The following SLFN12L variants were observed in gnomAD, a reference collection of about 807,000 sequenced individuals.
SLFN12L encodes the protein schlafen family member 12 like, also known as schlafen family member 12-like.
SLFN12L carries 34 observed loss-of-function variants against 34.8 expected under a neutral mutation model. That is an observed-to-expected ratio of 0.98 (90% CI 0.74 to 1.30). The LOEUF (loss-of-function observed/expected upper bound fraction) is 1.30, where lower values mean the gene tolerates loss of function less well. SLFN12L is among the 50% of genes most tolerant of loss of function. The pLI is 0.00. For synonymous variants in SLFN12L, 259 were observed against 247.5 expected (o/e 1.05, Z -0.44); for missense variants, 703 against 696.2 (o/e 1.01, Z -0.11).
At chr17:35,535,594 C>T (rs569948885) in intron 1 of SLFN12L, among the ~76,000 whole-genome samples, 1 of 152,052 alleles carries the variant, frequency 6.6e-6, no homozygotes, top group Admixed American at 6.6e-5. Flanking sequence ...TCAAGCAGTC[C>T]TCCCACCTCA....
chr17:35,496,542 T>G (rs1387967758), intron 2 of SLFN12L, among the ~76,000 whole-genome samples: 1 of 92,714 alleles, frequency 1.1e-5, no homozygotes, highest in African/African-American at 4.1e-5. Context: ...CTCCTTTCCC[T>G]TCCCTCCCCT....
chr17:35,510,833 CAAA>C (rs34262146), intron 2 of SLFN12L, among the ~76,000 whole-genome samples: 2 of 139,538 alleles, frequency 1.4e-5, no homozygotes, highest in Admixed American at 7.3e-5. Flanking sequence ...GAATTCACAG[CAAA>C]AAAAAAAAAA....
Position 35,475,143 on chromosome 17 carries a change from A to C in SLFN12L, c.1619T>G (p.Ile540Ser). The C allele has an allele frequency of 6.2e-7, 1 of 1,614,200 alleles. No homozygotes were observed. Among genetic ancestry groups the C allele is most frequent in the Non-Finnish European group, 8.5e-7 (1 of 1,180,042 alleles). ...CTTGCCTTCAGGGCTCAAGTAGAAGATCTTTGTCATGACACACACTTTTTT... is the reference window on the plus strand; with the variant it reads ...CTTGCCTTCAGGGCTCAAGTAGAAGCTCTTTGTCATGACACACACTTTTTT... ...YTKKVCVMTK[I>S]FYLSPEGKTS... is the part of the protein sequence containing the mutation. Residue 540 changes from isoleucine (I) to serine (S), a missense_variant, in exon 5 of 5, where the codon ATC becomes AGC. Ile to Ser is a moderately radical substitution (Grantham distance 142). Transcript: ENST00000628453.
At chr17:35,486,018 A>C (rs1330741255) in intron 2 of SLFN12L, among the ~76,000 whole-genome samples, 2 of 152,088 alleles carry the variant, frequency 1.3e-5, no homozygotes, top group African/African-American at 4.8e-5. Flanking sequence ...ATTTTAAATC[A>C]TTTTTTCTAA....
chr17:35,515,166 G>A (rs898741202), intron 2 of SLFN12L: 3 of 621,388 alleles, frequency 4.8e-6, no homozygotes, highest in Admixed American at 1.8e-5. Context: ...CTCCAGCGGC[G>A]ATGGCTCCGT....
At chr17:35,509,490 G>T (rs565485686) in intron 2 of SLFN12L, among the ~76,000 whole-genome samples, 1 of 152,030 alleles carries the variant, frequency 6.6e-6, no homozygotes, top group Non-Finnish European at 1.5e-5. Flanking sequence ...CTGCATGCCC[G>T]CCCATTTAGT....
At position 35,472,644 on chromosome 17, in the gene SLFN12L, A is replaced by G. The variant is rs2142121092; in HGVS notation, c.*2279T>C. ...CTTCTTTGATTCCATATGAAATTTA[A>G]TTTCATTTAATTCTGATTTGATTCC... On this transcript the variant is annotated 3_prime_UTR_variant, in exon 5 of 5. Transcript: ENST00000628453. 6.6e-6 allele frequency among the ~76,000 whole-genome samples: 1 copy of G among 152,252 alleles called. No individual in the cohort carries two copies. The highest frequency in any genetic ancestry group is 1.9e-4 in the East Asian group (1 of 5,186).
Position 35,522,327 on chromosome 17 carries a change from T to C in SLFN12L, c.38A>G (p.His13Arg), listed in dbSNP as rs1339959089. The part of the protein sequence containing the change: ...KIRNVFHCEA[H>R]RILYICESQF... ...ACTTTCACAAATGTAGAGAATTCTGTGTGCCTCACAGTGAAACACATTCCT... is the reference window on the plus strand; with the variant it reads ...ACTTTCACAAATGTAGAGAATTCTGCGTGCCTCACAGTGAAACACATTCCT... Residue 13 changes from histidine to arginine, a missense_variant, in exon 2 of 5, where the codon CAC becomes CGC. Coordinates refer to ENST00000628453, the MANE Select transcript of SLFN12L (RefSeq NM_001363830.2). 1.2e-6 allele frequency: 2 copies of C among 1,614,188 alleles called. No individual in the cohort carries two copies. Among genetic ancestry groups the C allele is most frequent in the Non-Finnish European group, 1.7e-6 (2 of 1,180,024 alleles).
chr17:35,465,972 A>G lies in SLFN12L; in HGVS notation c.*8951T>C, dbSNP rs914709198. ...AATTTTGCCATCATGCACACATCTTACAGACAAGATCTTTTTTAATACTTA... is the reference window on the plus strand; with the variant it reads ...AATTTTGCCATCATGCACACATCTTGCAGACAAGATCTTTTTTAATACTTA... On this transcript the variant is annotated 3_prime_UTR_variant, in exon 5 of 5. Coordinates refer to ENST00000628453, the MANE Select transcript of SLFN12L (RefSeq NM_001363830.2). Among the ~76,000 whole-genome samples, 2 of 151,906 alleles carry G rather than the reference A, an allele frequency of 1.3e-5. No individual in the cohort carries two copies. The highest frequency in any genetic ancestry group is 2.4e-5 in the African/African-American group (1 of 41,328).
intron 1 of SLFN12L, among the ~76,000 whole-genome samples, chr17:35,536,532 T>C (rs916038219): frequency 6.6e-6 from 1 of 152,066 alleles, no homozygotes; most frequent in African/African-American, 2.4e-5. Flanking sequence ...AAAAACACAG[T>C]TGGGCTCAGT....
chr17:35,480,817 A>G (rs1315566917), intron 2 of SLFN12L, among the ~76,000 whole-genome samples: 3 of 152,114 alleles, frequency 2.0e-5, no homozygotes, highest in South Asian at 4.1e-4. Context: ...CAAGGAGGTA[A>G]TCGTGGGTGG....
chr17:35,528,105 TA>T (rs896808851), intron 1 of SLFN12L, among the ~76,000 whole-genome samples: 6 of 152,246 alleles, frequency 3.9e-5, no homozygotes, highest in South Asian at 4.1e-4. Flanking sequence ...TCACAATTGC[TA>T]CAAAGAGAAT....
chr17:35,466,875 C>T lies in SLFN12L; in HGVS notation c.*8048G>A, dbSNP rs1241780804. On this transcript the variant is annotated 3_prime_UTR_variant, in exon 5 of 5. Coordinates refer to ENST00000628453, the MANE Select transcript of SLFN12L (RefSeq NM_001363830.2). ...CATTAAAACCACAAATGACTAGCTC[C>T]ATACTGGGCTCTCCTGGACATAGAG... is the stretch of plus-strand genomic sequence containing the variant. 6.6e-6 allele frequency among the ~76,000 whole-genome samples: 1 copy of T among 152,190 alleles called. No individual in the cohort carries two copies. Among genetic ancestry groups the T allele is most frequent in the Non-Finnish European group, 1.5e-5 (1 of 68,028 alleles).
chr17:35,521,837 G>C (rs1916005165), intron 2 of SLFN12L, among the ~76,000 whole-genome samples: 1 of 152,150 alleles, frequency 6.6e-6, no homozygotes, highest in Non-Finnish European at 1.5e-5. Context: ...TGGTGCCACT[G>C]TACTCCAGCC....
At chr17:35,489,968 G>T in intron 2 of SLFN12L, 1 of 1,481,992 alleles carries the variant, frequency 6.7e-7, no homozygotes. Flanking sequence ...TTTTTAAAAA[G>T]AACCCTTAGC....
chr17:35,511,612 G>C lies in SLFN12L; in HGVS notation c.86+10667C>G, dbSNP rs536895761. The stretch of plus-strand genomic sequence containing the variant: ...ACACACACACACACACACACACACA[G>C]AGCCCCTATAGTCCTAGCTACTCAG... On this transcript the variant is annotated intron_variant, in intron 2 of 4. Coordinates refer to ENST00000628453, the MANE Select transcript of SLFN12L (RefSeq NM_001363830.2). 2.8e-4 allele frequency among the ~76,000 whole-genome samples: 36 copies of C among 126,348 alleles called. 1 individual carries two copies. In the South Asian group the frequency reaches 9.5e-3, roughly 33 times the overall value. The allele number at this position is 126,348 out of a possible 152,430, so 82.9% of individuals were successfully genotyped here.
In SLFN12L at chr17:35,475,198, G is replaced by A. The variant is rs1913937100; in HGVS notation, c.1564C>T (p.Gln522Ter). Reference protein sequence around the residue: ...YSTQTAQTLKQKLAKIGGYTK... With the variant: ...YSTQTAQTLK ...TAACCACCAATTTTTGCCAGCTTCT[G>A]TTTTAAAGTTTGGGCAGTTTGTGTA... The change falls in exon 5 of 5, where the codon CAG (glutamine) becomes TAG (stop). Residue 522 changes from glutamine to a stop codon, truncating the protein, a stop_gained. Coordinates refer to ENST00000628453, the MANE Select transcript of SLFN12L (RefSeq NM_001363830.2). LOFTEE classifies it low-confidence loss of function (END_TRUNC). 1.2e-6 allele frequency: 2 copies of A among 1,614,048 alleles called. No individual in the cohort carries two copies. Among genetic ancestry groups the A allele is most frequent in the Non-Finnish European group, 1.7e-6 (2 of 1,180,040 alleles).
At chr17:35,506,564 G>C (rs1405027801) in intron 2 of SLFN12L, among the ~76,000 whole-genome samples, 3 of 152,154 alleles carry the variant, frequency 2.0e-5, no homozygotes, top group Non-Finnish European at 4.4e-5. Context: ...ATCGTGGTTT[G>C]AGGAGAAGTT....
rs55990593 is a variant in SLFN12L at position 35,467,840 on chromosome 17, A to G, written c.*7083T>C. On this transcript the variant is annotated 3_prime_UTR_variant, in exon 5 of 5. Transcript: ENST00000628453. ...CAAGCAAGCAAGCAAGCAAAAACCA[A>G]AACTCTGTCAAATGCAGCTGCACAC... is the stretch of plus-strand genomic sequence containing the variant. Among the ~76,000 whole-genome samples the G allele has an allele frequency of 0.16, 24,470 of 152,196 alleles. 2,619 individuals carry two copies. Among genetic ancestry groups the G allele is most frequent in the Non-Finnish European group, 0.24 (16,360 of 67,996 alleles).
Sources: gnomAD v4.1 joint callset for allele counts (sites outside exome capture counted in the v4.1 genomes callset) on GRCh38, gnomAD v4.1.1 for gene constraint, MANE v1.5 for transcripts, NCBI Gene and HGNC (gene_info 2026-07-23, HGNC 2026-07-21) for gene names.